The following NCAPG2 variants were observed in gnomAD, a reference collection of about 807,000 sequenced individuals.
The protein encoded by NCAPG2 is non-SMC condensin II complex subunit G2, also known as condensin-2 complex subunit G2.
NCAPG2 carries 53 observed loss-of-function variants against 141.1 expected under a neutral mutation model. That is an observed-to-expected ratio of 0.38 (90% CI 0.30 to 0.47). The LOEUF (loss-of-function observed/expected upper bound fraction) is 0.47. NCAPG2 is among the 20% of genes least tolerant of loss of function. The pLI is 0.99. For synonymous variants in NCAPG2, 499 were observed against 490.7 expected (o/e 1.02, Z -0.22); for missense variants, 1,087 against 1,389.0 (o/e 0.78, Z 3.46).
At chr7:158,662,050 T>G in intron 16 of NCAPG2, 144 bp downstream of exon 16, 1 of 758,474 alleles carries the variant, frequency 1.3e-6, no homozygotes, top group Non-Finnish European at 2.0e-6. Flanking sequence ...GAAACTATAC[T>G]GCAAGGTAAA....
rs1830026256 is a variant in NCAPG2, at chr7:158,633,805, C to A, written c.3381-2088G>T. On this transcript the variant is annotated intron_variant, in intron 27 of 27. Coordinates refer to ENST00000356309, the MANE Select transcript of NCAPG2 (RefSeq NM_017760.7). This position sits in a 1 kb window ranked among gnomAD's most constrained non-coding sequence, Gnocchi z 4.1. ...ACGCTCTGTCACCCAGGCTGAAGTG[C>A]AGCAGTGAGGTCACAGCTCACTGCA... Among the ~76,000 whole-genome samples the A allele has an allele frequency of 1.3e-5, 2 of 152,006 alleles. No homozygotes were observed. The highest frequency in any genetic ancestry group is 4.8e-5 in the African/African-American group (2 of 41,376).
intron 13 of NCAPG2, chr7:158,666,991 A>T: frequency 6.0e-6 from 2 of 335,920 alleles, no homozygotes; most frequent in Non-Finnish European, 8.5e-6. Flanking sequence ...GCCTGGCTTC[A>T]TGTGCCAGGT....
Position 158,687,422 on chromosome 7 carries a change from A to C in NCAPG2, c.693T>G (p.Cys231Trp). 1 of 1,606,430 alleles carries C rather than the reference A, an allele frequency of 6.2e-7. No homozygotes were observed. The highest frequency in any genetic ancestry group is 8.5e-7 in the Non-Finnish European group (1 of 1,176,254). Residue 231 changes from cysteine to tryptophan, a missense_variant, in exon 7 of 28, where the codon TGT (cysteine) becomes TGG (tryptophan). Coordinates refer to ENST00000356309, the MANE Select transcript of NCAPG2 (RefSeq NM_017760.7). ...KKEEGRRFLS[C>W]LFNWNINFIK... Reference sequence around the variant, plus strand: ...TGAAGTTGATATTCCAGTTGAAGAGACAACTAAGAAATCTTCTTCCCTAGA... The same window carrying C: ...TGAAGTTGATATTCCAGTTGAAGAGCCAACTAAGAAATCTTCTTCCCTAGA...
intron 4 of NCAPG2, among the ~76,000 whole-genome samples, chr7:158,691,841 G>C (rs1039399564): frequency 1.3e-5 from 2 of 152,148 alleles, no homozygotes; most frequent in Admixed American, 6.5e-5. Context: ...CAAATTCTTA[G>C]TTAAGTTGAC....
rs746706942 is a variant in NCAPG2, at chr7:158,690,625, T to C, written c.480A>G (p.Glu160=). ...TGACAAAGGCTGTCTTTCCTGTGTC[T>C]TCCTTGGCAGGCAGGCCTTTCTCCC... The part of the protein sequence containing the change: ...TWWEKGLPAK[E]DTGKTAFVML... Residue 160 remains glutamate, a synonymous_variant, in exon 5 of 28, where the codon GAA becomes GAG. Transcript: ENST00000356309. The C allele has an allele frequency of 6.2e-7, 1 of 1,614,180 alleles. No homozygotes were observed. Among genetic ancestry groups the C allele is most frequent in the South Asian group, 1.1e-5 (1 of 91,082 alleles).
At chr7:158,653,912 A>T (rs10282070) in intron 22 of NCAPG2, among the ~76,000 whole-genome samples, 4 of 151,916 alleles carry the variant, frequency 2.6e-5, no homozygotes, top group African/African-American at 9.7e-5. Flanking sequence ...GAAGCGGCTG[A>T]GGGGGAGGCT....
At chr7:158,667,406 T>G (rs9770107) in intron 13 of NCAPG2, among the ~76,000 whole-genome samples, 16,947 of 27,036 alleles carry the variant, frequency 0.63, 6,131 homozygotes, top group Middle Eastern at 0.8. Context: ...CCCTCCGCCC[T>G]CCTTACCCAC....
At chr7:158,672,284 GTGTGTGTGTATATATA>G (rs1381993862) in intron 12 of NCAPG2, among the ~76,000 whole-genome samples, 22 of 70,738 alleles carry the variant, frequency 3.1e-4, no homozygotes, top group African/African-American at 1.4e-3. Context: ...ACACATGTGT[GTGTGTGTGTATATATA>G]TATATATATA....
chr7:158,649,102 A>G (rs56654636), intron 24 of NCAPG2, among the ~76,000 whole-genome samples: 87,001 of 152,136 alleles, frequency 0.57, 25,313 homozygotes, highest in Non-Finnish European at 0.61. Flanking sequence ...GTTTGGCTGT[A>G]AAAATATCAA....
intron 19 of NCAPG2, among the ~76,000 whole-genome samples, 158 bp downstream of exon 19, chr7:158,656,102 C>T (rs1457391607): frequency 6.6e-6 from 1 of 152,218 alleles, no homozygotes; most frequent in African/African-American, 2.4e-5. Flanking sequence ...CCTGGCCAGG[C>T]TCCATGCCTT....
At chr7:158,701,774 T>C in intron 2 of NCAPG2, 48 bp downstream of exon 2, 1 of 1,492,434 alleles carries the variant, frequency 6.7e-7, no homozygotes, top group Non-Finnish European at 9.3e-7. Context: ...AGAACATATT[T>C]CATATTCACA....
chr7:158,667,310 G>T, intron 13 of NCAPG2: 1 of 157,000 alleles, frequency 6.4e-6, no homozygotes. Context: ...TCCACCCTTA[G>T]CCGCTACTGT....
At chr7:158,657,468 G>T (rs1832072742) in intron 17 of NCAPG2, among the ~76,000 whole-genome samples, 1 of 152,186 alleles carries the variant, frequency 6.6e-6, no homozygotes. Context: ...GTTCCATGCA[G>T]TCTCTTCTTT....
chr7:158,670,534 A>G (rs1178309201), intron 13 of NCAPG2, among the ~76,000 whole-genome samples: 1 of 152,222 alleles, frequency 6.6e-6, no homozygotes. Flanking sequence ...CCTGGGCATC[A>G]GAGTGGGACC....
At chr7:158,661,079 C>T (rs1452079124) in intron 16 of NCAPG2, among the ~76,000 whole-genome samples, 2 of 152,132 alleles carry the variant, frequency 1.3e-5, no homozygotes, top group African/African-American at 4.8e-5. Context: ...TTATCAGCAG[C>T]ATGAAAACAG....
chr7:158,655,066 A>C lies in NCAPG2; in HGVS notation c.2646+52T>G. On this transcript the variant is annotated intron_variant, in intron 21 of 27. Transcript: ENST00000356309. Reference sequence around the variant, plus strand: ...TCTAAAGTAGAAAATGAAATCCTGAAACATAACAAACTTGGTAAAGAGAAA... The same window carrying C: ...TCTAAAGTAGAAAATGAAATCCTGACACATAACAAACTTGGTAAAGAGAAA... The C allele has an allele frequency of 2.0e-6, 3 of 1,531,768 alleles. No individual in the cohort carries two copies. The East Asian group carries it at 6.8e-5, about 35-fold the overall frequency. The allele number at this position is 1,531,768 out of a possible 1,614,324, so 94.9% of individuals were successfully genotyped here.
At position 158,631,462 on chromosome 7, in the gene NCAPG2, T is replaced by C. The variant is rs1587019633; in HGVS notation, c.*204A>G. On this transcript the variant is annotated 3_prime_UTR_variant, in exon 28 of 28. Coordinates refer to ENST00000356309, the MANE Select transcript of NCAPG2 (RefSeq NM_017760.7). ...TACCTGGAGTCCTTTATATTAAATA[T>C]ATTATTTACGCAGGCACTAGGCAAA... 9 of 591,048 alleles carry C rather than the reference T, an allele frequency of 1.5e-5. No homozygotes were observed. In the East Asian group the frequency reaches 2.7e-4, roughly 17 times the overall value. 36.6% of individuals were successfully genotyped at this position (591,048 alleles called of 1,614,324 possible). A position where few individuals can be genotyped will look rare whatever the true frequency, so the allele number is the denominator to read the frequency against.
At chr7:158,645,263 G>A (rs1195732854) in intron 26 of NCAPG2, among the ~76,000 whole-genome samples, 2 of 152,196 alleles carry the variant, frequency 1.3e-5, no homozygotes, top group Non-Finnish European at 2.9e-5. Context: ...AGTGGCAACA[G>A]GTGAAAATGA....
chr7:158,689,986 TC>T lies in NCAPG2; in HGVS notation c.538-34del, dbSNP rs775974148. The T allele has an allele frequency of 1.8e-5, 26 of 1,475,158 alleles. No individual in the cohort carries two copies. The African/African-American group carries it at 3.6e-4, about 21-fold the overall frequency. 91.4% of individuals were successfully genotyped at this position (1,475,158 alleles called of 1,614,324 possible). A position where few individuals can be genotyped will look rare whatever the true frequency, so the allele number is the denominator to read the frequency against. The stretch of plus-strand genomic sequence containing the variant: ...TGACACAAAAAATGTGATACCTTTT[TC>T]AATGAACAGTAAAGTCATATTTCAA... On this transcript the variant is annotated intron_variant, in intron 5 of 27. Coordinates refer to ENST00000356309, the MANE Select transcript of NCAPG2 (RefSeq NM_017760.7).
Sources: allele counts gnomAD v4.1 joint callset (sites outside exome capture counted in the v4.1 genomes callset), GRCh38; gene constraint gnomAD v4.1.1; non-coding constraint Gnocchi (gnomAD v3.1); transcripts MANE v1.5; gene names NCBI Gene and HGNC (gene_info 2026-07-23, HGNC 2026-07-21).